Variants in PCDHA4 observed in about 807,000 individuals in gnomAD.
PCDHA4 encodes protocadherin alpha 4, also known as protocadherin alpha-4.
A neutral mutation model predicts 61.4 loss-of-function variants in PCDHA4; 49 were observed. That is an observed-to-expected ratio of 0.80 (90% CI 0.63 to 1.01). PCDHA4 has a LOEUF of 1.01. PCDHA4 is among the 50% of genes least tolerant of loss of function. The probability of loss-of-function intolerance (pLI) is 0.00; values close to 1 mark genes in which losing one functional copy is unlikely to be tolerated. For missense variants in PCDHA4, 1,254 were observed against 1,235.8 expected, an observed-to-expected ratio of 1.01 and a Z score of -0.22; for synonymous variants, 590 against 550.3, an observed-to-expected ratio of 1.07 and a Z score of -1.01.
intron 1 of PCDHA4, among the ~76,000 whole-genome samples, chr5:140,903,429 G>A (rs782504374): frequency 1.3e-5 from 2 of 152,180 alleles, no homozygotes; most frequent in Non-Finnish European, 2.9e-5. Context: ...AGCACAATAT[G>A]TATCAGTGGA....
chr5:140,882,346 G>A (rs146510190), intron 1 of PCDHA4: 86 of 1,614,078 alleles, frequency 5.3e-5, no homozygotes, highest in African/African-American at 9.3e-5. Flanking sequence ...CCTGGGAGAC[G>A]GGTAGTGGCC....
At chr5:140,941,247 C>CT (rs1398354432) in intron 1 of PCDHA4, among the ~76,000 whole-genome samples, 1 of 128,506 alleles carries the variant, frequency 7.8e-6, no homozygotes, top group African/African-American at 2.9e-5. Context: ...TTCTTTCTTT[C>CT]TTTCTTTCTC....
Position 140,871,296 on chromosome 5 carries a change from C to A in PCDHA4, c.2385+61724C>A. ...CGGCAACGCCCACTGAGGGCGCGTG[C>A]GCGCCGGGGAAGCCCACGCTGGTGT... On this transcript the variant is annotated intron_variant, in intron 1 of 3. Coordinates refer to ENST00000530339, the MANE Select transcript of PCDHA4 (RefSeq NM_018907.4). 7 of 1,613,892 alleles carry A rather than the reference C, an allele frequency of 4.3e-6. No homozygotes were observed. The South Asian group carries it at 4.4e-5, about 10-fold the overall frequency.
intron 3 of PCDHA4, 102 bp downstream of exon 3, chr5:140,982,665 A>G (rs1318068299): frequency 2.0e-6 from 3 of 1,465,204 alleles, no homozygotes; most frequent in Middle Eastern, 2.1e-4. Context: ...TTTCTTTTAT[A>G]TTTTTGTTAT....
intron 1 of PCDHA4, chr5:140,884,580 C>G: frequency 6.2e-7 from 1 of 1,614,150 alleles, no homozygotes; most frequent in Non-Finnish European, 8.5e-7. Context: ...GACCTCATGG[C>G]CTTCAGTCCC....
intron 1 of PCDHA4, among the ~76,000 whole-genome samples, chr5:140,912,990 T>C (rs2076154668): frequency 6.6e-6 from 1 of 152,198 alleles, no homozygotes; most frequent in African/African-American, 2.4e-5. Context: ...GAATTCAGTT[T>C]GCTAGTATTT....
At chr5:140,852,867 T>A (rs2042500160) in intron 1 of PCDHA4, 1 of 952,126 alleles carries the variant, frequency 1.1e-6, no homozygotes, top group African/African-American at 1.8e-5. Context: ...TACTATGTCA[T>A]CAATAATCAT....
chr5:140,892,351 G>T (rs1554185157), intron 1 of PCDHA4, among the ~76,000 whole-genome samples: 1 of 152,112 alleles, frequency 6.6e-6, no homozygotes, highest in Non-Finnish European at 1.5e-5. Context: ...ATTGACTTTT[G>T]CCAGGCATCT....
intron 1 of PCDHA4, chr5:140,843,908 G>T: frequency 1.6e-6 from 1 of 638,262 alleles, no homozygotes. Context: ...TCCACAAGTT[G>T]GGTCTATCTT....
intron 1 of PCDHA4, chr5:140,858,598 T>C: frequency 7.7e-7 from 1 of 1,294,926 alleles, no homozygotes; most frequent in Non-Finnish European, 1.1e-6. Context: ...TTCCAGGAGT[T>C]TTAAAATTTT....
At chr5:140,891,624 T>C (rs1489586112) in intron 1 of PCDHA4, among the ~76,000 whole-genome samples, 1 of 152,188 alleles carries the variant, frequency 6.6e-6, no homozygotes, top group African/African-American at 2.4e-5. Context: ...TTTTAACACC[T>C]TTTGCTCTTT....
intron 1 of PCDHA4, among the ~76,000 whole-genome samples, chr5:140,923,319 A>G (rs1004006693): frequency 1.1e-4 from 16 of 152,264 alleles, no homozygotes; most frequent in African/African-American, 3.9e-4. Flanking sequence ...TTGGCCTAGA[A>G]GTTCAAGGAC....
intron 1 of PCDHA4, chr5:140,857,764 G>T (rs552891884): frequency 6.3e-7 from 1 of 1,597,520 alleles, no homozygotes; most frequent in Non-Finnish European, 8.6e-7. Flanking sequence ...CTGGCAGCGC[G>T]GGCGGTGCAG....
chr5:140,828,662 C>A (rs1769875553), intron 1 of PCDHA4: 1 of 1,614,006 alleles, frequency 6.2e-7, no homozygotes, highest in African/African-American at 1.3e-5. Context: ...TGACAATAAA[C>A]AAATTGGGCT....
In PCDHA4 at chr5:140,893,407, C is replaced by T. The variant is rs782798159; in HGVS notation, c.2385+83835C>T. Among the ~76,000 whole-genome samples, 300 of 152,168 alleles carry T rather than the reference C, an allele frequency of 2.0e-3. 2 individuals are homozygous for T. The highest frequency in any genetic ancestry group is 3.7e-3 in the Non-Finnish European group (250 of 67,998). The stretch of plus-strand genomic sequence containing the variant: ...GTGGCTCATGCCTGTAATCCCAGCA[C>T]TTAGGGAGGCAGAGGCAGGAAGATC... On this transcript the variant is annotated intron_variant, in intron 1 of 3. Transcript: ENST00000530339.
At chr5:140,932,309 ATATAT>A (rs1441363335) in intron 1 of PCDHA4, among the ~76,000 whole-genome samples, 6 of 151,956 alleles carry the variant, frequency 3.9e-5, no homozygotes, top group Non-Finnish European at 8.8e-5. Context: ...AAAGGTATAA[ATATAT>A]TAATGTAGCA....
intron 1 of PCDHA4, among the ~76,000 whole-genome samples, chr5:140,872,788 G>A (rs1419437796): frequency 6.6e-6 from 1 of 152,076 alleles, no homozygotes. Context: ...ATATATGCTA[G>A]TTGGCATTCT....
chr5:140,966,845 C>T, intron 1 of PCDHA4: 2 of 1,570,442 alleles, frequency 1.3e-6, no homozygotes, highest in South Asian at 2.3e-5. Context: ...GCTGCTACTG[C>T]CTCTCCTGCT....
At chr5:140,886,742 C>T (rs2061110620) in intron 1 of PCDHA4, among the ~76,000 whole-genome samples, 1 of 149,008 alleles carries the variant, frequency 6.7e-6, no homozygotes, top group Non-Finnish European at 1.5e-5. Flanking sequence ...AAGAGAATTG[C>T]TTGAACCCGG....
Sources: gnomAD v4.1 joint callset for allele counts (sites outside exome capture counted in the v4.1 genomes callset) on GRCh38, gnomAD v4.1.1 for gene constraint, MANE v1.5 for transcripts, NCBI Gene and HGNC (gene_info 2026-07-23, HGNC 2026-07-21) for gene names.